USP44: variants seen among roughly 807,000 people sequenced by gnomAD.
USP44 encodes ubiquitin specific peptidase 44.
In USP44, 61 loss-of-function variants were observed where a neutral mutation model predicts 69.0. The ratio of observed to expected loss-of-function variants is 0.88; its 90% CI spans 0.72 to 1.09. The LOEUF is 1.09. Ranked by LOEUF, USP44 falls within the 50% of genes least tolerant of loss-of-function variation. The probability of loss-of-function intolerance (pLI) is 0.00; values close to 1 mark genes in which losing one functional copy is unlikely to be tolerated. For missense variants in USP44, 753 were observed against 849.9 expected (o/e 0.89, Z 1.42); for synonymous variants, 297 against 295.4 (o/e 1.01, Z -0.06).
At chr12:95,549,428 CGAAAAG>C (rs2077682917) in intron 1 of USP44, among the ~76,000 whole-genome samples, 1 of 151,872 alleles carries the variant, frequency 6.6e-6, no homozygotes, top group Admixed American at 6.6e-5. Context: ...AAGTACATAC[CGAAAAG>C]GAAAAGGAGG....
chr12:95,538,587 G>T (rs930108179), intron 1 of USP44, among the ~76,000 whole-genome samples: 1 of 152,048 alleles, frequency 6.6e-6, no homozygotes, highest in African/African-American at 2.4e-5. Flanking sequence ...AAATAGACGT[G>T]AAACCAGAAT....
In USP44 at chr12:95,530,646, T is replaced by TACAG. The variant is rs1555199777; in HGVS notation, c.1429-1645_1429-1644insCTGT. Among the ~76,000 whole-genome samples, 5 of 147,452 alleles carry TACAG rather than the reference T, an allele frequency of 3.4e-5. No homozygotes were observed. The East Asian group carries it at 1.0e-3, about 30-fold the overall frequency. ...ATAGCAACTTTCATACTACTGGAAATATAGATAGATAGATAGATAGATAGA... is the reference window on the plus strand; with the variant it reads ...ATAGCAACTTTCATACTACTGGAAATACAGATAGATAGATAGATAGATAGATAGA... On this transcript the variant is annotated intron_variant, in intron 2 of 5. Transcript: ENST00000258499.
At chr12:95,540,331 C>A (rs2077346926) in intron 1 of USP44, among the ~76,000 whole-genome samples, 1 of 148,834 alleles carries the variant, frequency 6.7e-6, no homozygotes, top group African/African-American at 2.5e-5. Flanking sequence ...TTACTCCTCC[C>A]TTCCATCCAT....
chr12:95,534,323 AAAACT>A lies in USP44; in HGVS notation c.-70-2_-68del. 7.2e-7 allele frequency: 1 copy of A among 1,385,866 alleles called. No individual in the cohort carries two copies. Among genetic ancestry groups the A allele is most frequent in the South Asian group, 1.4e-5 (1 of 73,564 alleles). 85.8% of individuals were successfully genotyped at this position (1,385,866 alleles called of 1,614,324 possible). A position where few individuals can be genotyped will look rare whatever the true frequency, so the allele number is the denominator to read the frequency against. On this transcript the variant is annotated splice_acceptor_variant and 5_prime_UTR_variant, in exon 2 of 6. Coordinates refer to ENST00000258499, the MANE Select transcript of USP44 (RefSeq NM_032147.5). LOFTEE classifies it low-confidence loss of function (5UTR_SPLICE). ...CTGTTCACAACACTTGAAGCATCTGAAAACTAAACAGAACAATGTCAAGTGTTAAT... is the reference window on the plus strand; with the variant it reads ...CTGTTCACAACACTTGAAGCATCTGAAAACAGAACAATGTCAAGTGTTAAT...
Position 95,518,202 on chromosome 12 carries a change from T to G in USP44, c.2091A>C (p.Gln697His), listed in dbSNP as rs200276085. ...LLPPELLLGS[Q>H]HPNEDADTSS... ...AGGTATCAGCGTCTTCATTGGGATG[T>G]TGGCTCCCCAACAGGAGCTCTGGAG... The change falls in exon 6 of 6, where the codon CAA (glutamine) becomes CAC (histidine). Residue 697 changes from glutamine to histidine, a missense_variant. Transcript: ENST00000258499. 1.2e-6 allele frequency: 2 copies of G among 1,614,210 alleles called. No individual in the cohort carries two copies. Among genetic ancestry groups the G allele is most frequent in the Admixed American group, 3.3e-5 (2 of 60,032 alleles).
chr12:95,551,216 A>G (rs980923045), intron 1 of USP44, 56 bp downstream of exon 1: 6 of 152,068 alleles, frequency 3.9e-5, no homozygotes, highest in African/African-American at 1.4e-4. Context: ...TAAAAAAAAG[A>G]AAAGAAAAAA....
chr12:95,523,689 C>CAAAA (rs927669685), intron 4 of USP44, among the ~76,000 whole-genome samples: 12 of 89,178 alleles, frequency 1.3e-4, no homozygotes, highest in African/African-American at 3.3e-4. Flanking sequence ...CTGTCTCTAC[C>CAAAA]AAAAAAAAAA....
chr12:95,530,930 C>T (rs1339217883), intron 2 of USP44, among the ~76,000 whole-genome samples: 3 of 152,068 alleles, frequency 2.0e-5, no homozygotes, highest in African/African-American at 4.8e-5. Context: ...TTTGGGAGGC[C>T]GAGGCGCGTG....
chr12:95,521,008 T>A lies in USP44; in HGVS notation c.1928A>T (p.Asn643Ile). ...TTTCTTATCTATACCTCCTTCAGAATTATAGCAGTAGGCAGTGTAGTGCCC... is the reference window on the plus strand; with the variant it reads ...TTTCTTATCTATACCTCCTTCAGAAATATAGCAGTAGGCAGTGTAGTGCCC... ...GSGHYTAYCY[N>I]SEGGFWVHCN... The change falls in exon 5 of 6, where the codon AAT becomes ATT. Residue 643 changes from asparagine to isoleucine, a missense_variant. By Grantham distance (149) the Asn-to-Ile change is moderately radical (BLOSUM62 -3). Coordinates refer to ENST00000258499, the MANE Select transcript of USP44 (RefSeq NM_032147.5). 1 of 1,614,156 alleles carries A rather than the reference T, an allele frequency of 6.2e-7. No homozygotes were observed. Among genetic ancestry groups the A allele is most frequent in the Non-Finnish European group, 8.5e-7 (1 of 1,179,984 alleles).
chr12:95,517,796 A>G lies in USP44; in HGVS notation c.*358T>C, dbSNP rs2076521896. Reference sequence around the variant, plus strand: ...AGTAGAGTCTAATTTTCCATCTATTAAGAATTTGTATAGAAAATACCTGAA... The same window carrying G: ...AGTAGAGTCTAATTTTCCATCTATTGAGAATTTGTATAGAAAATACCTGAA... On this transcript the variant is annotated 3_prime_UTR_variant, in exon 6 of 6. Transcript: ENST00000258499. 5.7e-6 allele frequency: 1 copy of G among 174,738 alleles called. No homozygotes were observed. Among genetic ancestry groups the G allele is most frequent in the South Asian group, 1.4e-4 (1 of 7,400 alleles). 10.8% of individuals were successfully genotyped at this position (174,738 alleles called of 1,614,324 possible). A position where few individuals can be genotyped will look rare whatever the true frequency, so the allele number is the denominator to read the frequency against.
rs10498964 is a variant in USP44 at position 95,536,492 on chromosome 12, T to G, written c.-70-2166A>C. ...ATGGCAGAATTGAGACATCAGTGAT[T>G]TATATATTCCACTATCCCATATCTT... is the stretch of plus-strand genomic sequence containing the variant. On this transcript the variant is annotated intron_variant, in intron 1 of 5. Transcript: ENST00000258499. Among the ~76,000 whole-genome samples, 5 of 152,160 alleles carry G rather than the reference T, an allele frequency of 3.3e-5. No homozygotes were observed. In the South Asian group the frequency reaches 6.2e-4, roughly 19 times the overall value.
Position 95,520,980 on chromosome 12 carries a change from C to G in USP44, c.1939+17G>C, listed in dbSNP as rs2076640920. 6.2e-7 allele frequency: 1 copy of G among 1,610,944 alleles called. No individual in the cohort carries two copies. Among genetic ancestry groups the G allele is most frequent in the Admixed American group, 1.7e-5 (1 of 59,966 alleles). On this transcript the variant is annotated intron_variant, in intron 5 of 5. Transcript: ENST00000258499. ...TCCAAGTCCAACCCAAGATAAAATA[C>G]TTTTTCTTATCTATACCTCCTTCAG...
At chr12:95,522,411 T>C (rs2076694084) in intron 4 of USP44, among the ~76,000 whole-genome samples, 1 of 152,220 alleles carries the variant, frequency 6.6e-6, no homozygotes. Context: ...TGTGGGGTTG[T>C]GAAATATATA....
At chr12:95,543,677 A>T (rs2077468895) in intron 1 of USP44, among the ~76,000 whole-genome samples, 1 of 150,866 alleles carries the variant, frequency 6.6e-6, no homozygotes, top group Non-Finnish European at 1.5e-5. Context: ...TCAAAAACTA[A>T]CATACCAGGC....
chr12:95,530,541 A>G (rs1446342740), intron 2 of USP44, among the ~76,000 whole-genome samples: 2 of 152,210 alleles, frequency 1.3e-5, no homozygotes, highest in East Asian at 1.9e-4. Flanking sequence ...CTAAGAGTGT[A>G]TTAAAGAAAG....
chr12:95,523,483 C>A (rs1170370078), intron 4 of USP44, among the ~76,000 whole-genome samples: 1 of 152,150 alleles, frequency 6.6e-6, no homozygotes. Context: ...ATCTCCTACA[C>A]ATTTTGGTAA....
In USP44 at chr12:95,533,547, G is replaced by A. The variant is rs2077095850; in HGVS notation, c.710C>T (p.Pro237Leu). ...TACTTTATCTTTTGCTGGTGATGCT[G>A]GCGTTTGTGCTGGCACCTGAACAGA... The part of the protein sequence containing the change: ...IVSVQVPAQT[P>L]ASPAKDKVLS... The change falls in exon 2 of 6, where the codon CCA (proline) becomes CTA (leucine). Residue 237 changes from proline (P) to leucine (L), a missense_variant. Pro to Leu is a moderately conservative substitution (Grantham distance 98). Transcript: ENST00000258499. 6.2e-7 allele frequency: 1 copy of A among 1,613,630 alleles called. No individual in the cohort carries two copies. The highest frequency in any genetic ancestry group is 2.2e-5 in the East Asian group (1 of 44,888).
intron 2 of USP44, among the ~76,000 whole-genome samples, chr12:95,529,210 T>C (rs2076944829): frequency 6.6e-6 from 1 of 152,174 alleles, no homozygotes; most frequent in African/African-American, 2.4e-5. Flanking sequence ...CATGAATTGG[T>C]TGCTTTAACT....
chr12:95,536,621 CT>C (rs2077213823), intron 1 of USP44, among the ~76,000 whole-genome samples: 1 of 152,132 alleles, frequency 6.6e-6, no homozygotes, highest in African/African-American at 2.4e-5. Flanking sequence ...TACTGAGAAT[CT>C]GACTTACTTA....
Sources: gnomAD v4.1 joint callset for allele counts (sites outside exome capture counted in the v4.1 genomes callset) on GRCh38, gnomAD v4.1.1 for gene constraint, MANE v1.5 for transcripts, NCBI Gene and HGNC (gene_info 2026-07-23, HGNC 2026-07-21) for gene names.